Variants in RB1CC1 observed in about 807,000 individuals in gnomAD.
The protein encoded by RB1CC1 is RB1 inducible coiled-coil 1, also known as RB1-inducible coiled-coil protein 1.
Under a neutral mutation model 177.5 loss-of-function variants are expected in RB1CC1, and 46 were observed. The observed-to-expected ratio is 0.26, with a 90% CI of 0.20 to 0.33. The LOEUF (loss-of-function observed/expected upper bound fraction) is 0.33, where lower values mean the gene tolerates loss of function less well. Ranked by LOEUF, RB1CC1 falls within the 10% of genes least tolerant of loss-of-function variation. The pLI, the probability that RB1CC1 is intolerant of heterozygous loss-of-function variation, is 1.00. For missense variants in RB1CC1, 1,703 were observed against 1,816.3 expected (o/e 0.94, Z 1.13); for synonymous variants, 666 against 613.6 (o/e 1.09, Z -1.26).
In RB1CC1 at chr8:52,673,892, T is replaced by C. The variant is rs1313248210; in HGVS notation, c.955A>G (p.Asn319Asp). ...LDWINVQDRPNDVESLVRKCF... is the reference protein window; with the variant it reads ...LDWINVQDRPDDVESLVRKCF... Reference sequence around the variant, plus strand: ...TTCCTGACCAAAGATTCCACATCATTAGGTCTATCTTGAACATTTATCCAG... The same window carrying C: ...TTCCTGACCAAAGATTCCACATCATCAGGTCTATCTTGAACATTTATCCAG... Residue 319 changes from asparagine (N) to aspartate (D), a missense_variant, in exon 7 of 24, where the codon AAT becomes GAT. By Grantham distance (23) the Asn-to-Asp change is conservative. This residue lies in a region of RB1CC1 where 315 missense variants were observed against 304.9 expected (regional missense o/e 1.03). Coordinates refer to ENST00000025008, the MANE Select transcript of RB1CC1 (RefSeq NM_014781.5). 1.2e-6 allele frequency: 2 copies of C among 1,613,908 alleles called. No homozygotes were observed. Among genetic ancestry groups the C allele is most frequent in the African/African-American group, 1.3e-5 (1 of 74,930 alleles).
In RB1CC1 at chr8:52,685,303, C is replaced by T. The variant is rs542548090; in HGVS notation, c.71+96G>A. On this transcript the variant is annotated intron_variant, in intron 3 of 23. Transcript: ENST00000025008. ...ACAGGCGTGAGGTACCGCACCCGGCCGCCATTATCCTACTTTTTAAACAGT... is the reference window on the plus strand; with the variant it reads ...ACAGGCGTGAGGTACCGCACCCGGCTGCCATTATCCTACTTTTTAAACAGT... The T allele has an allele frequency of 1.9e-3, 1,745 of 926,888 alleles. 5 individuals carry two copies. Among genetic ancestry groups the T allele is most frequent in the Non-Finnish European group, 2.6e-3 (1,560 of 607,126 alleles). 57.4% of individuals were successfully genotyped at this position (926,888 alleles called of 1,614,324 possible). A position where few individuals can be genotyped will look rare whatever the true frequency, so the allele number is the denominator to read the frequency against.
intron 1 of RB1CC1, among the ~76,000 whole-genome samples, chr8:52,708,706 G>A (rs1019384603): frequency 6.6e-6 from 1 of 152,098 alleles, no homozygotes; most frequent in African/African-American, 2.4e-5. Flanking sequence ...CTCTCATTAT[G>A]AGGACATCTG....
At chr8:52,714,037 A>G in intron 1 of RB1CC1, 38 bp downstream of exon 1, 1 of 338,624 alleles carries the variant, frequency 3.0e-6, no homozygotes, top group Non-Finnish European at 5.9e-6. Context: ...CCGCTGTGCC[A>G]GATGGGGGAA....
chr8:52,701,103 T>A (rs1012067248), intron 1 of RB1CC1, among the ~76,000 whole-genome samples: 2 of 152,100 alleles, frequency 1.3e-5, no homozygotes, highest in Admixed American at 6.6e-5. Flanking sequence ...CTTATGTATA[T>A]AACAATGTGT....
chr8:52,650,730 G>C (rs933930989), intron 15 of RB1CC1, among the ~76,000 whole-genome samples: 6 of 152,110 alleles, frequency 3.9e-5, no homozygotes, highest in African/African-American at 1.4e-4. Flanking sequence ...GTGCAAAATA[G>C]AACACTGGAA....
At chr8:52,647,535 A>AAG (rs2150429924) in intron 15 of RB1CC1, among the ~76,000 whole-genome samples, 1 of 152,332 alleles carries the variant, frequency 6.6e-6, no homozygotes, top group South Asian at 2.1e-4. Context: ...GAGACTTACA[A>AAG]AGAGACTCAG....
At chr8:52,669,642 T>C (rs1450892391) in intron 7 of RB1CC1, among the ~76,000 whole-genome samples, 1 of 152,224 alleles carries the variant, frequency 6.6e-6, no homozygotes, top group Non-Finnish European at 1.5e-5. Context: ...TACTTGTACA[T>C]TTGTGAACAT....
intron 15 of RB1CC1, among the ~76,000 whole-genome samples, chr8:52,648,691 T>A (rs1050848382): frequency 1.4e-4 from 22 of 152,172 alleles, no homozygotes; most frequent in Non-Finnish European, 2.4e-4. Flanking sequence ...GTCCTAACTT[T>A]TGCAGTTTGA....
chr8:52,685,203 CA>C (rs994902830), intron 3 of RB1CC1, among the ~76,000 whole-genome samples, 195 bp downstream of exon 3: 1 of 151,968 alleles, frequency 6.6e-6, no homozygotes, highest in Admixed American at 6.6e-5. Context: ...GGGGTTTCAC[CA>C]TGTTGGCCAG....
chr8:52,662,969 T>C (rs1851756706), intron 8 of RB1CC1, among the ~76,000 whole-genome samples: 1 of 152,066 alleles, frequency 6.6e-6, no homozygotes, highest in African/African-American at 2.4e-5. Context: ...AGACCATTAG[T>C]AAAGGATTTC....
chr8:52,635,954 T>C (rs1438317762), intron 19 of RB1CC1, 61 bp downstream of exon 19: 1 of 1,573,196 alleles, frequency 6.4e-7, no homozygotes, highest in Non-Finnish European at 8.6e-7. Context: ...CAGAATGAAG[T>C]TTAACTGTAT....
intron 1 of RB1CC1, among the ~76,000 whole-genome samples, chr8:52,692,859 T>C (rs911231900): frequency 3.3e-5 from 5 of 152,196 alleles, no homozygotes; most frequent in African/African-American, 9.6e-5. Context: ...ACACTTTAAA[T>C]GTGACAAGGT....
chr8:52,628,341 T>C (rs992034776), intron 21 of RB1CC1, among the ~76,000 whole-genome samples, 173 bp from the exon 22 acceptor site: 4 of 152,222 alleles, frequency 2.6e-5, no homozygotes, highest in Non-Finnish European at 2.9e-5. Flanking sequence ...ATGGGACTGC[T>C]GGTCATGCAC....
Position 52,661,569 on chromosome 8 carries a change from G to C in RB1CC1, c.1324C>G (p.Gln442Glu). The stretch of plus-strand genomic sequence containing the variant: ...ACATGTAGGTTATTTGCTAGTTCTT[G>C]TTTGGCAGTGGTACACTTCTGCTTA... ...DIKQKCTTAKQELANNLHVRL... is the reference protein window; with the variant it reads ...DIKQKCTTAKEELANNLHVRL... The change falls in exon 9 of 24, where the codon CAA (glutamine) becomes GAA (glutamate). Residue 442 changes from glutamine (Q) to glutamate (E), a missense_variant. Physicochemically the swap from Gln to Glu is conservative, Grantham distance 29 (BLOSUM62 2). Coordinates refer to ENST00000025008, the MANE Select transcript of RB1CC1 (RefSeq NM_014781.5). 4 of 1,609,080 alleles carry C rather than the reference G, an allele frequency of 2.5e-6. No homozygotes were observed. The highest frequency in any genetic ancestry group is 3.4e-6 in the Non-Finnish European group (4 of 1,178,228).
intron 15 of RB1CC1, among the ~76,000 whole-genome samples, chr8:52,655,136 T>C (rs1850965510): frequency 6.6e-6 from 1 of 152,092 alleles, no homozygotes; most frequent in African/African-American, 2.4e-5. Flanking sequence ...TTAAACCCTC[T>C]AATGCCCCCT....
At chr8:52,645,195 C>T (rs1220436822) in intron 16 of RB1CC1, among the ~76,000 whole-genome samples, 2 of 152,076 alleles carry the variant, frequency 1.3e-5, no homozygotes, top group Non-Finnish European at 2.9e-5. Flanking sequence ...TCTTAATCTA[C>T]CACCAGCCTA....
chr8:52,657,511 T>C lies in RB1CC1; in HGVS notation c.2318A>G (p.Asp773Gly). Residue 773 changes from aspartate to glycine, a missense_variant, in exon 15 of 24, where the codon GAC becomes GGC. Around this residue, in one of 6 missense-constraint regions of RB1CC1, gnomAD observed 1,169 missense variants for 1,184.7 expected, o/e 0.99. Transcript: ENST00000025008. ...SLYSSVINAI[D>G]SRRMQDTNVC... ...ATTTGTATCCTGCATTCGTCTACTG[T>C]CTATCGCATTGATAACTGATGAATA... 1 of 1,613,948 alleles carries C rather than the reference T, an allele frequency of 6.2e-7. No homozygotes were observed. The highest frequency in any genetic ancestry group is 8.5e-7 in the Non-Finnish European group (1 of 1,180,000).
rs1325345998 is a variant in RB1CC1, at chr8:52,674,364, C to G, written c.573-90G>C. The G allele has an allele frequency of 3.6e-6, 4 of 1,097,616 alleles. 1 individual carries two copies. Among genetic ancestry groups the G allele is most frequent in the Non-Finnish European group, 5.3e-6 (4 of 748,052 alleles). The allele number at this position is 1,097,616 out of a possible 1,614,324, so 68.0% of individuals were successfully genotyped here. A position where few individuals can be genotyped will look rare whatever the true frequency, so the allele number is the denominator to read the frequency against. Reference sequence around the variant, plus strand: ...GAATGAAATCACATATTATTATACACACAAATCTCACCACCTCTCCATAAC... The same window carrying G: ...GAATGAAATCACATATTATTATACAGACAAATCTCACCACCTCTCCATAAC... On this transcript the variant is annotated intron_variant, in intron 6 of 23. Transcript: ENST00000025008.
At position 52,657,391 on chromosome 8, in the gene RB1CC1, T is replaced by C; in HGVS notation, c.2438A>G (p.Gln813Arg). Reference sequence around the variant, plus strand: ...GTGGCAAAGGTCTTCCTTAATGGTTTGTATACTGAAGTGAGAGTCTTGGGC... The same window carrying C: ...GTGGCAAAGGTCTTCCTTAATGGTTCGTATACTGAAGTGAGAGTCTTGGGC... ...VVAQDSHFSI[Q>R]TIKEDLCHFR... The change falls in exon 15 of 24, where the codon CAA (glutamine) becomes CGA (arginine). Residue 813 changes from glutamine to arginine, a missense_variant. By Grantham distance (43) the Gln-to-Arg change is conservative (BLOSUM62 1). This residue lies in a region of RB1CC1 where 1,169 missense variants were observed against 1,184.7 expected (regional missense o/e 0.99). Transcript: ENST00000025008. 1 of 1,614,056 alleles carries C rather than the reference T, an allele frequency of 6.2e-7. No individual in the cohort carries two copies. The highest frequency in any genetic ancestry group is 8.5e-7 in the Non-Finnish European group (1 of 1,180,000).
Sources: gnomAD v4.1 joint callset for allele counts (sites outside exome capture counted in the v4.1 genomes callset) on GRCh38, gnomAD v4.1.1 for gene constraint, gnomAD v4.1.1 regional missense constraint, MANE v1.5 for transcripts, NCBI Gene and HGNC (gene_info 2026-07-23, HGNC 2026-07-21) for gene names.